Variants in LONRF1 observed in about 807,000 individuals in gnomAD.
The protein encoded by LONRF1 is LON peptidase N-terminal domain and RING finger protein 1.
Under a neutral mutation model 85.8 loss-of-function variants are expected in LONRF1, and 37 were observed. That is an observed-to-expected ratio of 0.43 (90% CI 0.33 to 0.57). The LOEUF is 0.57. Ranked by LOEUF, LONRF1 falls within the 20% of genes least tolerant of loss-of-function variation. The pLI, the probability that LONRF1 is intolerant of heterozygous loss-of-function variation, is 0.04. For synonymous variants in LONRF1, 517 were observed against 390.1 expected (o/e 1.33, Z -3.83); for missense variants, 1,036 against 978.0 (o/e 1.06, Z -0.79).
At chr8:12,740,628 G>T in intron 3 of LONRF1, among the ~76,000 whole-genome samples, 1 of 152,116 alleles carries the variant, frequency 6.6e-6, no homozygotes, top group East Asian at 1.9e-4. Context: ...GGCTCAGATT[G>T]AACAAACTAT....
chr8:12,738,801 G>C (rs948444441), intron 3 of LONRF1: 1 of 152,114 alleles, frequency 6.6e-6, no homozygotes, highest in South Asian at 2.1e-4. Context: ...GATAGGGGAA[G>C]AACATGGCTA....
In LONRF1 at chr8:12,723,705, A is replaced by G. The variant is rs544060344; in HGVS notation, c.2164-451T>C. Among the ~76,000 whole-genome samples, 56 of 152,358 alleles carry G rather than the reference A, an allele frequency of 3.7e-4. 1 individual carries two copies. Among genetic ancestry groups the G allele is most frequent in the African/African-American group, 1.3e-3 (54 of 41,580 alleles). On this transcript the variant is annotated intron_variant, in intron 11 of 11. Coordinates refer to ENST00000398246, the MANE Select transcript of LONRF1 (RefSeq NM_152271.5). ...TGACAGCCAAAAATGTCTCCAGGTA[A>G]TGCCAAATATCCTGTGGGGGCAACA...
At position 12,754,603 on chromosome 8, in the gene LONRF1, G is replaced by C. The variant is rs972516320; in HGVS notation, c.721+97C>G. The C allele has an allele frequency of 1.7e-5, 21 of 1,215,556 alleles. No homozygotes were observed. The African/African-American group carries it at 3.2e-4, about 18-fold the overall frequency. 75.3% of individuals were successfully genotyped at this position (1,215,556 alleles called of 1,614,324 possible). A position where few individuals can be genotyped will look rare whatever the true frequency, so the allele number is the denominator to read the frequency against. Reference sequence around the variant, plus strand: ...GCGGCCCAGCGGCCCCGGGGAAGCAGAGGAGACTCTCGGGGCGCAGACAAG... The same window carrying C: ...GCGGCCCAGCGGCCCCGGGGAAGCACAGGAGACTCTCGGGGCGCAGACAAG... On this transcript the variant is annotated intron_variant, in intron 1 of 11. Coordinates refer to ENST00000398246, the MANE Select transcript of LONRF1 (RefSeq NM_152271.5).
chr8:12,725,519 G>A (rs969326139), intron 11 of LONRF1, among the ~76,000 whole-genome samples: 3 of 152,130 alleles, frequency 2.0e-5, no homozygotes, highest in South Asian at 2.1e-4. Context: ...CAGCTGACAC[G>A]TATTTCCAGC....
intron 11 of LONRF1, among the ~76,000 whole-genome samples, chr8:12,724,950 T>C (rs1201427757): frequency 6.6e-6 from 1 of 152,242 alleles, no homozygotes; most frequent in Non-Finnish European, 1.5e-5. Flanking sequence ...CAATGAGATC[T>C]ATTATCTCTC....
intron 1 of LONRF1, chr8:12,754,013 C>T (rs982690746): frequency 3.3e-5 from 5 of 152,398 alleles, no homozygotes; most frequent in African/African-American, 1.2e-4. Flanking sequence ...TTCCAGGTAG[C>T]AAGGGACCAC....
In LONRF1 at chr8:12,735,281, T is replaced by A; in HGVS notation, c.1566+5A>T. ...CAACAAACAGACACATATACAAATA[T>A]TTACCTCTTTTAAGCTTTCTTTGCA... On this transcript the variant is annotated splice_donor_5th_base_variant and intron_variant, in intron 7 of 11. Transcript: ENST00000398246. 1 of 1,576,102 alleles carries A rather than the reference T, an allele frequency of 6.3e-7. No homozygotes were observed. The highest frequency in any genetic ancestry group is 1.3e-5 in the African/African-American group (1 of 74,258).
intron 1 of LONRF1, chr8:12,754,069 C>T (rs1479639874): frequency 1.3e-5 from 2 of 152,228 alleles, no homozygotes; most frequent in Non-Finnish European, 2.9e-5. Flanking sequence ...GCCTGCAGGG[C>T]CTCCCGGGGC....
chr8:12,747,752 CTCTCTTTTTTTTT>C (rs1445036161), intron 1 of LONRF1, among the ~76,000 whole-genome samples: 1 of 147,472 alleles, frequency 6.8e-6, no homozygotes, highest in Non-Finnish European at 1.5e-5. Context: ...ACTGAAATCT[CTCTCTTTTTTTTT>C]TTTTTTTTTA....
intron 11 of LONRF1, among the ~76,000 whole-genome samples, 158 bp from the exon 12 acceptor site, chr8:12,723,412 A>T (rs910937079): frequency 6.6e-6 from 1 of 152,244 alleles, no homozygotes. Context: ...AAATGGGAGA[A>T]ACTGAAGCTC....
chr8:12,743,627 G>C (rs892298262), intron 1 of LONRF1, among the ~76,000 whole-genome samples: 2 of 152,058 alleles, frequency 1.3e-5, no homozygotes, highest in African/African-American at 2.4e-5. Flanking sequence ...TAGATGTTTA[G>C]ATTTGCCTTT....
rs144286719 is a variant in LONRF1, at chr8:12,732,828, G to C, written c.1567-971C>G. Among the ~76,000 whole-genome samples, 18 of 152,256 alleles carry C rather than the reference G, an allele frequency of 1.2e-4. 1 individual carries two copies. In the East Asian group the frequency reaches 3.5e-3, roughly 29 times the overall value. On this transcript the variant is annotated intron_variant, in intron 7 of 11. Transcript: ENST00000398246. ...GGTCAGGGTGTATGCACAGAACTTT[G>C]TACAAAGAAAATGCCCAATACATAT...
intron 1 of LONRF1, among the ~76,000 whole-genome samples, chr8:12,747,075 T>C (rs985979339): frequency 1.3e-5 from 2 of 152,228 alleles, no homozygotes; most frequent in African/African-American, 4.8e-5. Context: ...CTTTGATAAA[T>C]GTTTCCTGAA....
At chr8:12,747,610 T>G (rs1799213798) in intron 1 of LONRF1, among the ~76,000 whole-genome samples, 1 of 144,636 alleles carries the variant, frequency 6.9e-6, no homozygotes, top group Non-Finnish European at 1.6e-5. Context: ...CAGAGGAGGT[T>G]AGCCTTCTAG....
chr8:12,737,961 G>A lies in LONRF1; in HGVS notation c.1113+34C>T, dbSNP rs147780375. ...TCTTAACTCGTAAAGAAATGGATAC[G>A]CTAAACTCATGATAACCTTGTCTCA... is the stretch of plus-strand genomic sequence containing the variant. On this transcript the variant is annotated intron_variant, in intron 4 of 11. Coordinates refer to ENST00000398246, the MANE Select transcript of LONRF1 (RefSeq NM_152271.5). The A allele has an allele frequency of 1.9e-4, 300 of 1,578,510 alleles. 2 individuals carry two copies. Among genetic ancestry groups the A allele is most frequent in the African/African-American group, 1.5e-3 (109 of 72,816 alleles).
intron 1 of LONRF1, among the ~76,000 whole-genome samples, chr8:12,744,364 A>C (rs2117313578): frequency 6.6e-6 from 1 of 152,298 alleles, no homozygotes; most frequent in Non-Finnish European, 1.5e-5. Flanking sequence ...AAACATTTAA[A>C]GAATAAAATT....
chr8:12,749,666 G>C (rs1799300940), intron 1 of LONRF1, among the ~76,000 whole-genome samples: 1 of 152,012 alleles, frequency 6.6e-6, no homozygotes, highest in Admixed American at 6.6e-5. Flanking sequence ...TTTGAAATGG[G>C]ACACTTGAAT....
Position 12,725,737 on chromosome 8 carries a change from T to C in LONRF1, c.2153A>G (p.Glu718Gly). 1 of 1,611,862 alleles carries C rather than the reference T, an allele frequency of 6.2e-7. No individual in the cohort carries two copies. The highest frequency in any genetic ancestry group is 8.5e-7 in the Non-Finnish European group (1 of 1,178,250). Reference protein sequence around the residue: ...QHFGSMPEREENLQAAPNGPA... With the variant: ...QHFGSMPEREGNLQAAPNGPA... ...GAAAAGCCACCATACCTGAAGGTTT[T>C]CCTCCCTCTCGGGCATTGATCCGAA... The change falls in exon 11 of 12, where the codon GAA (glutamate) becomes GGA (glycine). Residue 718 changes from glutamate (E) to glycine (G), a missense_variant. Physicochemically the swap from Glu to Gly is moderately conservative, Grantham distance 98. Around this residue, in one of 3 missense-constraint regions of LONRF1, gnomAD observed 265 missense variants for 301.5 expected, o/e 0.88. Transcript: ENST00000398246.
chr8:12,728,690 G>C (rs752154777), intron 10 of LONRF1, among the ~76,000 whole-genome samples: 1 of 152,208 alleles, frequency 6.6e-6, no homozygotes, highest in Non-Finnish European at 1.5e-5. Context: ...GAAATAAAGA[G>C]AATCTATGTT....
Sources: allele counts gnomAD v4.1 joint callset (sites outside exome capture counted in the v4.1 genomes callset), GRCh38; gene constraint gnomAD v4.1.1; regional missense constraint gnomAD v4.1.1; transcripts MANE v1.5; gene names NCBI Gene and HGNC (gene_info 2026-07-23, HGNC 2026-07-21).